The following HNRNPM variants were observed in gnomAD, a reference collection of about 807,000 sequenced individuals.
HNRNPM encodes the protein heterogeneous nuclear ribonucleoprotein M, also known as CEA receptor.
Under a neutral mutation model 73.1 loss-of-function variants are expected in HNRNPM, and 11 were observed. The observed-to-expected ratio is 0.15, with a 90% CI of 0.09 to 0.25. HNRNPM has a LOEUF of 0.25. HNRNPM is among the 10% of genes least tolerant of loss of function. The probability of loss-of-function intolerance (pLI) is 1.00; values close to 1 mark genes in which losing one functional copy is unlikely to be tolerated. For missense variants in HNRNPM, 789 were observed against 1,067.9 expected, an observed-to-expected ratio of 0.74 and a Z score of 3.64; for synonymous variants, 407 against 355.2, an observed-to-expected ratio of 1.15 and a Z score of -1.64.
Position 8,467,537 on chromosome 19 carries a change from A to G in HNRNPM, c.787A>G (p.Met263Val), listed in dbSNP as rs1483810413. The change falls in exon 8 of 16, where the codon ATG becomes GTG. Residue 263 changes from methionine to valine, a missense_variant and splice_region_variant. By Grantham distance (21) the Met-to-Val change is conservative. Around this residue, in one of 4 missense-constraint regions of HNRNPM, gnomAD observed 604 missense variants for 744.0 expected, o/e 0.81. Coordinates refer to ENST00000325495, the MANE Select transcript of HNRNPM (RefSeq NM_005968.5). ...AATAGCCTTAATTGTAATACCAGCTATGTTCAATGGCCAGCTGCTATTTGA... is the reference window on the plus strand; with the variant it reads ...AATAGCCTTAATTGTAATACCAGCTGTGTTCAATGGCCAGCTGCTATTTGA... ...QSIEAVQAIS[M>V]FNGQLLFDRP... 3 of 1,610,726 alleles carry G rather than the reference A, an allele frequency of 1.9e-6. No individual in the cohort carries two copies. The highest frequency in any genetic ancestry group is 1.1e-5 in the South Asian group (1 of 91,000).
intron 8 of HNRNPM, among the ~76,000 whole-genome samples, chr19:8,468,345 A>T: frequency 6.6e-6 from 1 of 152,238 alleles, no homozygotes; most frequent in East Asian, 1.9e-4. Flanking sequence ...GCCAAAGATA[A>T]TAATTACTAC....
chr19:8,453,820 G>A (rs545061082), intron 1 of HNRNPM, among the ~76,000 whole-genome samples: 46 of 152,308 alleles, frequency 3.0e-4, no homozygotes, highest in African/African-American at 1.1e-3. Context: ...TGAGGAAAGC[G>A]CCCTGTCAGC....
intron 8 of HNRNPM, 98 bp downstream of exon 8, chr19:8,467,682 T>G (rs1969848902): frequency 1.1e-6 from 1 of 919,104 alleles, no homozygotes; most frequent in South Asian, 1.3e-5. Flanking sequence ...TATTTGTGGA[T>G]TAGTCTAAGT....
intron 12 of HNRNPM, among the ~76,000 whole-genome samples, chr19:8,475,923 T>A (rs1354111326): frequency 6.6e-6 from 1 of 150,436 alleles, no homozygotes; most frequent in Non-Finnish European, 1.5e-5. Flanking sequence ...TTTTTTTTTT[T>A]TTTTTTAAGA....
chr19:8,472,438 A>G (rs1383602949), intron 10 of HNRNPM, among the ~76,000 whole-genome samples: 1 of 152,154 alleles, frequency 6.6e-6, no homozygotes, highest in Non-Finnish European at 1.5e-5. Flanking sequence ...TCTGGGCCAC[A>G]ACTTCAAATG....
At chr19:8,445,324 C>T (rs575325683) in intron 1 of HNRNPM, 94 of 411,090 alleles carry the variant, frequency 2.3e-4, no homozygotes, top group East Asian at 1.9e-3. Context: ...CCTCGAGCCT[C>T]GCCACCCTCA....
chr19:8,463,764 A>G (rs1040847110), intron 5 of HNRNPM, 78 bp downstream of exon 5: 39 of 982,700 alleles, frequency 4.0e-5, no homozygotes, highest in Admixed American at 1.2e-4. Context: ...AAAGACGGTC[A>G]TGGTCCCAGA....
At chr19:8,481,910 A>G (rs570214778) in intron 12 of HNRNPM, among the ~76,000 whole-genome samples, 11 of 149,410 alleles carry the variant, frequency 7.4e-5, no homozygotes, top group Non-Finnish European at 4.4e-5. Context: ...GTTAGTTGGG[A>G]TATAAGAAGC....
In HNRNPM at chr19:8,486,130, C is replaced by G; in HGVS notation, c.1702C>G (p.Leu568Val). 2 of 1,604,818 alleles carry G rather than the reference C, an allele frequency of 1.2e-6. No homozygotes were observed. The highest frequency in any genetic ancestry group is 1.1e-5 in the South Asian group (1 of 90,956). Residue 568 changes from leucine (L) to valine (V), a missense_variant, in exon 14 of 16, where the codon CTG (leucine) becomes GTG (valine). This residue lies in a region of HNRNPM where 604 missense variants were observed against 744.0 expected (regional missense o/e 0.81). Coordinates refer to ENST00000325495, the MANE Select transcript of HNRNPM (RefSeq NM_005968.5). ...MGANNLERMGLERMGANSLER... is the reference protein window; with the variant it reads ...MGANNLERMGVERMGANSLER... ...CGCCAACAATCTGGAGCGGATGGGC[C>G]TGGAGCGCATGGGCGCCAACAGCCT...
intron 6 of HNRNPM, 151 bp downstream of exon 6, chr19:8,465,666 G>C (rs573127543): frequency 1.6e-6 from 1 of 644,890 alleles, no homozygotes; most frequent in South Asian, 2.2e-5. Context: ...CCTTATAGGC[G>C]GGCTTTGTCT....
intron 2 of HNRNPM, 72 bp downstream of exon 2, chr19:8,455,646 A>AT (rs1295887338): frequency 3.7e-6 from 5 of 1,340,324 alleles, no homozygotes; most frequent in Non-Finnish European, 5.2e-6. Flanking sequence ...TTCCTTGGTT[A>AT]TTTTTGGTCA....
intron 11 of HNRNPM, 57 bp from the exon 12 acceptor site, chr19:8,474,110 C>T: frequency 7.9e-7 from 1 of 1,258,324 alleles, no homozygotes; most frequent in African/African-American, 1.6e-5. Context: ...TTTTTCTTTC[C>T]CTGCTTAGTC....
intron 8 of HNRNPM, 70 bp downstream of exon 8, chr19:8,467,654 CAT>C: frequency 9.5e-7 from 1 of 1,056,088 alleles, no homozygotes; most frequent in South Asian, 1.3e-5. Context: ...TAAGAGTGTA[CAT>C]ATAGCCACTA....
At chr19:8,478,055 AG>A (rs1253351308) in intron 12 of HNRNPM, among the ~76,000 whole-genome samples, 1 of 152,182 alleles carries the variant, frequency 6.6e-6, no homozygotes, top group Non-Finnish European at 1.5e-5. Flanking sequence ...AGTGCCTAGT[AG>A]GTGTTACCTT....
At chr19:8,447,835 G>C (rs928134544) in intron 1 of HNRNPM, among the ~76,000 whole-genome samples, 1 of 152,170 alleles carries the variant, frequency 6.6e-6, no homozygotes, top group Non-Finnish European at 1.5e-5. Context: ...GACCATCCTG[G>C]CTAACACGGT....
rs77391125 is a variant in HNRNPM, at chr19:8,476,434, G to C, written c.1120+2190G>C. On this transcript the variant is annotated intron_variant, in intron 12 of 15. Transcript: ENST00000325495. Reference sequence around the variant, plus strand: ...TCCCATCAGACTGCTGGTCATGCAGGTTCCCAGGACCCACACTCAGCATGA... The same window carrying C: ...TCCCATCAGACTGCTGGTCATGCAGCTTCCCAGGACCCACACTCAGCATGA... 6.9e-3 allele frequency among the ~76,000 whole-genome samples: 1,043 copies of C among 152,254 alleles called. 10 individuals are homozygous for C. The highest frequency in any genetic ancestry group is 0.019 in the South Asian group (93 of 4,818).
chr19:8,467,494 A>G (rs929730908), intron 7 of HNRNPM, 41 bp from the exon 8 acceptor site: 32 of 1,518,674 alleles, frequency 2.1e-5, no homozygotes, highest in Non-Finnish European at 2.7e-5. Context: ...TCTTGTGCAC[A>G]TTTTTAGAAT....
intron 15 of HNRNPM, chr19:8,487,451 C>T (rs1200330260): frequency 1.2e-5 from 3 of 251,954 alleles, no homozygotes; most frequent in South Asian, 4.0e-5. Context: ...TGTGGGGCCT[C>T]GGAGAGAACA....
chr19:8,453,298 G>A (rs975046288), intron 1 of HNRNPM, among the ~76,000 whole-genome samples: 8 of 152,112 alleles, frequency 5.3e-5, no homozygotes, highest in Admixed American at 2.6e-4. Flanking sequence ...GTGCCACCAC[G>A]CCCAGCTAAT....
Sources: allele counts gnomAD v4.1 joint callset (sites outside exome capture counted in the v4.1 genomes callset), GRCh38; gene constraint gnomAD v4.1.1; regional missense constraint gnomAD v4.1.1; transcripts MANE v1.5; gene names NCBI Gene and HGNC (gene_info 2026-07-23, HGNC 2026-07-21).